Variants in NKAIN2 observed in about 807,000 individuals in gnomAD.
NKAIN2 encodes the protein sodium/potassium-transporting ATPase subunit beta-1-interacting protein 2.
NKAIN2 carries 14 observed loss-of-function variants against 32.6 expected under a neutral mutation model. The ratio of observed to expected loss-of-function variants is 0.43; its 90% confidence interval spans 0.28 to 0.67. The LOEUF is 0.67. Ranked by LOEUF, NKAIN2 falls within the 30% of genes least tolerant of loss-of-function variation. The probability of loss-of-function intolerance (pLI) is 0.17; values close to 1 mark genes in which losing one functional copy is unlikely to be tolerated. For synonymous variants in NKAIN2, 80 were observed against 87.2 expected (o/e 0.92, Z 0.46); for missense variants, 198 against 258.3 (o/e 0.77, Z 1.60).
Position 123,820,786 on chromosome 6 carries a change from C to G in NKAIN2, c.54+16532C>G, listed in dbSNP as rs548649398. Among the ~76,000 whole-genome samples, 12 of 152,254 alleles carry G rather than the reference C, an allele frequency of 7.9e-5. No individual in the cohort carries two copies. The South Asian group carries it at 2.3e-3, about 29-fold the overall frequency. On this transcript the variant is annotated intron_variant, in intron 1 of 6. Transcript: ENST00000368417. ...TGTTGCCAACATTTTGCTATTTAGC[C>G]GTACCCCTCAATGCTTTTGATTTTG...
At position 123,986,697 on chromosome 6, in the gene NKAIN2, T is replaced by C. The variant is rs144854488; in HGVS notation, c.54+182443T>C. The stretch of plus-strand genomic sequence containing the variant: ...TAAATATTTTCATATTCCCAGGTAA[T>C]TCCCATTCACATCTAAGACTGAAAA... On this transcript the variant is annotated intron_variant, in intron 1 of 6. Transcript: ENST00000368417. Among the ~76,000 whole-genome samples the C allele has an allele frequency of 5.3e-3, 811 of 152,242 alleles. 8 individuals are homozygous for C. The highest frequency in any genetic ancestry group is 0.019 in the African/African-American group (778 of 41,544).
chr6:124,092,096 G>A (rs1012481255), intron 1 of NKAIN2, among the ~76,000 whole-genome samples: 11 of 151,956 alleles, frequency 7.2e-5, no homozygotes, highest in African/African-American at 2.7e-4. Flanking sequence ...TTCACCTCAA[G>A]TAAGTTATAG....
At chr6:124,665,479 G>T (rs1024374852) in intron 4 of NKAIN2, among the ~76,000 whole-genome samples, 2 of 152,188 alleles carry the variant, frequency 1.3e-5, no homozygotes, top group Admixed American at 1.3e-4. Context: ...GGAGCAGAAG[G>T]GGGCAGTACT....
intron 2 of NKAIN2, among the ~76,000 whole-genome samples, chr6:124,294,995 A>G (rs551442374): frequency 1.3e-4 from 20 of 152,236 alleles, no homozygotes; most frequent in African/African-American, 3.4e-4. Flanking sequence ...TCTACAATTC[A>G]TTTTTATGGG....
intron 1 of NKAIN2, among the ~76,000 whole-genome samples, chr6:123,818,354 A>AACACACACAC (rs36066775): frequency 6.9e-5 from 10 of 144,506 alleles, no homozygotes; most frequent in Admixed American, 1.4e-4. Flanking sequence ...TTCTTGTGGA[A>AACACACACAC]ACACACACAC....
At chr6:123,978,154 T>A (rs1436583789) in intron 1 of NKAIN2, among the ~76,000 whole-genome samples, 1 of 152,224 alleles carries the variant, frequency 6.6e-6, no homozygotes, top group East Asian at 1.9e-4. Flanking sequence ...TTGCATTAAA[T>A]GCTTACTGAA....
intron 3 of NKAIN2, among the ~76,000 whole-genome samples, chr6:124,549,129 G>A (rs1780198567): frequency 1.3e-5 from 2 of 152,130 alleles, no homozygotes; most frequent in African/African-American, 4.8e-5. Flanking sequence ...CACTTTGGGA[G>A]GCCGAGGCAG....
intron 1 of NKAIN2, among the ~76,000 whole-genome samples, chr6:124,013,609 C>T (rs901571764): frequency 8.6e-5 from 13 of 152,012 alleles, no homozygotes; most frequent in South Asian, 2.1e-4. Context: ...AATACTGGTC[C>T]GCAAAAGATG....
At chr6:124,476,350 A>G (rs1583308403) in intron 3 of NKAIN2, among the ~76,000 whole-genome samples, 1 of 143,924 alleles carries the variant, frequency 6.9e-6, no homozygotes, top group East Asian at 2.3e-4. Context: ...GAGGTTTTAA[A>G]TCAATCAAAC....
chr6:124,085,807 T>G (rs1784168395), intron 1 of NKAIN2, among the ~76,000 whole-genome samples: 1 of 151,926 alleles, frequency 6.6e-6, no homozygotes, highest in Admixed American at 6.6e-5. Flanking sequence ...GTGAATGAGA[T>G]TATGACGGCT....
At chr6:124,092,850 T>A (rs1053415146) in intron 1 of NKAIN2, among the ~76,000 whole-genome samples, 1 of 152,082 alleles carries the variant, frequency 6.6e-6, no homozygotes, top group African/African-American at 2.4e-5. Context: ...TCAGTAGATA[T>A]AAAACTATTA....
intron 5 of NKAIN2, among the ~76,000 whole-genome samples, chr6:124,801,625 C>T (rs963317824): frequency 2.0e-5 from 3 of 152,142 alleles, no homozygotes; most frequent in Non-Finnish European, 2.9e-5. Context: ...AAACAGGTAC[C>T]ATCTTTGCCT....
At chr6:124,351,508 C>CAAAAAAAAA (rs397956239) in intron 2 of NKAIN2, among the ~76,000 whole-genome samples, 26 of 108,962 alleles carry the variant, frequency 2.4e-4, no homozygotes, top group Non-Finnish European at 2.6e-4. Context: ...TCAAAAAAAC[C>CAAAAAAAAA]AAAAAAAAAA....
At chr6:124,732,131 T>G (rs11154260) in intron 4 of NKAIN2, among the ~76,000 whole-genome samples, 26,374 of 151,712 alleles carry the variant, frequency 0.17, 2,699 homozygotes, top group East Asian at 0.43. Context: ...AAAATAGAGA[T>G]GAGAAAAAAA....
intron 1 of NKAIN2, among the ~76,000 whole-genome samples, chr6:123,885,955 A>G (rs1161798770): frequency 6.6e-6 from 1 of 151,396 alleles, no homozygotes; most frequent in Non-Finnish European, 1.5e-5. Context: ...TCAAAAGAAA[A>G]AAAAAAAAAG....
chr6:123,971,640 C>A (rs1214233983), intron 1 of NKAIN2, among the ~76,000 whole-genome samples: 1 of 152,104 alleles, frequency 6.6e-6, no homozygotes, highest in Non-Finnish European at 1.5e-5. Flanking sequence ...TTGTCCCCAT[C>A]ATGTCTGTGT....
chr6:123,974,783 T>TA (rs1219371507), intron 1 of NKAIN2, among the ~76,000 whole-genome samples: 3 of 152,166 alleles, frequency 2.0e-5, no homozygotes, highest in Non-Finnish European at 4.4e-5. Context: ...TATCTTCTGT[T>TA]TTCTAAGTTC....
chr6:124,803,743 A>C (rs969428423), intron 5 of NKAIN2, among the ~76,000 whole-genome samples: 4 of 152,128 alleles, frequency 2.6e-5, no homozygotes, highest in Non-Finnish European at 5.9e-5. Context: ...GTAAATTCTA[A>C]TACAAAGTTC....
chr6:124,770,146 C>A (rs143077160), intron 4 of NKAIN2, among the ~76,000 whole-genome samples: 2,060 of 152,248 alleles, frequency 0.014, 23 homozygotes, highest in Non-Finnish European at 0.021. Flanking sequence ...AAAACATTAA[C>A]AAACTAAACA....
Sources: gnomAD v4.1 joint callset for allele counts (sites outside exome capture counted in the v4.1 genomes callset) on GRCh38, gnomAD v4.1.1 for gene constraint, MANE v1.5 for transcripts, NCBI Gene and HGNC (gene_info 2026-07-23, HGNC 2026-07-21) for gene names.